NAA38: variants seen among roughly 807,000 people sequenced by gnomAD.
The protein encoded by NAA38 is LSM domain containing 1.
In NAA38, 15 loss-of-function variants were observed where a neutral mutation model predicts 12.6. The ratio of observed to expected loss-of-function variants is 1.19; its 90% CI spans 0.79 to 1.83. The LOEUF (loss-of-function observed/expected upper bound fraction) is 1.83, where lower values mean the gene tolerates loss of function less well. Ranked by LOEUF, NAA38 falls within the 40% of genes most tolerant of loss-of-function variation. NAA38 has a pLI of 0.00. For missense variants in NAA38, 183 were observed against 171.7 expected (o/e 1.07, Z -0.37); for synonymous variants, 88 against 69.9 (o/e 1.26, Z -1.29).
At position 7,857,161 on chromosome 17, in the gene NAA38, C is replaced by G; in HGVS notation, c.119G>C (p.Arg40Pro). Residue 40 changes from arginine (R) to proline (P), a missense_variant, in exon 2 of 3, where the codon CGC becomes CCC. Coordinates refer to ENST00000575771, the MANE Select transcript of NAA38 (RefSeq NM_001320925.4). ...CAGCGCCTCTAGCTGCTGTCGGGCG[C>G]GCTCAGCCGCCGAGTCCTCGCGCTC... ...DGEREDSAAE[R>P]ARQQLEALLN... 6.2e-7 allele frequency: 1 copy of G among 1,612,930 alleles called. No individual in the cohort carries two copies. The highest frequency in any genetic ancestry group is 8.5e-7 in the Non-Finnish European group (1 of 1,179,986).
upstream of NAA38, chr17:7,859,061 A>G: frequency 1.8e-6 from 1 of 571,358 alleles, no homozygotes; most frequent in Non-Finnish European, 3.1e-6. Context: ...CAGTTCATGT[A>G]TCTTAGTGAT....
rs768795214 is a variant in NAA38 at position 7,857,290 on chromosome 17, A to G, written c.82-92T>C. The G allele has an allele frequency of 1.9e-5, 30 of 1,611,468 alleles. No homozygotes were observed. The East Asian group carries it at 6.3e-4, about 34-fold the overall frequency. On this transcript the variant is annotated intron_variant, in intron 1 of 2. Coordinates refer to ENST00000575771, the MANE Select transcript of NAA38 (RefSeq NM_001320925.4). ...CCGGCAGCCCGCGGGGCACTCACAC[A>G]AAGCCCAGAGGCTGCCGGGAGCTGC... is the stretch of plus-strand genomic sequence containing the variant.
chr17:7,858,581 C>T (rs1388846120), upstream of NAA38: 3 of 1,608,522 alleles, frequency 1.9e-6, no homozygotes, highest in Admixed American at 5.0e-5. Flanking sequence ...GCTCTGACAC[C>T]CTCGCCCCAA....
intron 2 of NAA38, among the ~76,000 whole-genome samples, chr17:7,877,372 ATTT>A (rs112052153): frequency 6.8e-6 from 1 of 146,142 alleles, no homozygotes; most frequent in African/African-American, 2.5e-5. Flanking sequence ...AAATGATGTC[ATTT>A]TTTTTTTTTT....
chr17:7,875,525 T>G (rs528222970), intron 2 of NAA38, among the ~76,000 whole-genome samples: 1 of 152,146 alleles, frequency 6.6e-6, no homozygotes, highest in Non-Finnish European at 1.5e-5. Flanking sequence ...TTTGTAGAGA[T>G]AGTCTTGCTA....
At chr17:7,866,667 T>C (rs1442726055) in intron 2 of NAA38, 3 of 455,278 alleles carry the variant, frequency 6.6e-6, no homozygotes, top group African/African-American at 2.0e-5. Flanking sequence ...TTAAAGTTGC[T>C]TAAATGACAC....
At chr17:7,870,142 AC>A (rs1459006942) in intron 2 of NAA38, among the ~76,000 whole-genome samples, 2 of 152,032 alleles carry the variant, frequency 1.3e-5, no homozygotes, top group African/African-American at 4.8e-5. Flanking sequence ...TGTGCTTGTA[AC>A]CCCAGCTACT....
upstream of NAA38, chr17:7,859,933 G>A (rs2078870546): frequency 1.1e-5 from 3 of 272,960 alleles, no homozygotes; most frequent in Admixed American, 4.9e-5. Flanking sequence ...CAGGGGTGAG[G>A]GATGGAAGGA....
chr17:7,877,051 C>T (rs987071805), intron 2 of NAA38: 1 of 390,716 alleles, frequency 2.6e-6, no homozygotes, highest in African/African-American at 2.2e-5. Context: ...ACATTTTTCA[C>T]TTCAAAGAAC....
At chr17:7,858,824 G>A (rs939624720), upstream of NAA38, 2 of 1,529,096 alleles carry the variant, frequency 1.3e-6, no homozygotes, top group African/African-American at 1.4e-5. Flanking sequence ...ACACACTGGA[G>A]GTGAGAACTG....
intron 2 of NAA38, among the ~76,000 whole-genome samples, chr17:7,869,377 C>T (rs1001005411): frequency 6.6e-6 from 1 of 152,084 alleles, no homozygotes; most frequent in African/African-American, 2.4e-5. Flanking sequence ...TTATTATTGA[C>T]TCTGGGATAC....
At chr17:7,857,980 G>A (rs1051876331), upstream of NAA38, 3 of 1,491,414 alleles carry the variant, frequency 2.0e-6, no homozygotes, top group Admixed American at 2.3e-5. Flanking sequence ...ATTTATCTCA[G>A]TGGACGGTGG....
upstream of NAA38, chr17:7,861,581 CAG>C (rs1412518636): frequency 6.6e-6 from 1 of 152,238 alleles, no homozygotes; most frequent in Non-Finnish European, 1.5e-5. Context: ...GTCCCTCTTC[CAG>C]AGACTCCTAC....
At chr17:7,859,256 T>C (rs141914122), upstream of NAA38, 3 of 720,478 alleles carry the variant, frequency 4.2e-6, no homozygotes, top group East Asian at 2.7e-5. Context: ...GAGTTTCAGC[T>C]TTTTTTTCCC....
intron 1 of NAA38, 45 bp downstream of exon 1, chr17:7,857,338 G>A: frequency 6.2e-7 from 1 of 1,612,846 alleles, no homozygotes; most frequent in South Asian, 1.1e-5. Flanking sequence ...CCTCCATCTT[G>A]CTGCTTGACT....
chr17:7,867,668 A>G (rs1267196592), intron 2 of NAA38, among the ~76,000 whole-genome samples: 1 of 152,204 alleles, frequency 6.6e-6, no homozygotes. Context: ...TCACATGATC[A>G]GATTTGCATT....
chr17:7,885,153 C>T, intron 1 of NAA38: 6 of 981,044 alleles, frequency 6.1e-6, no homozygotes, highest in Non-Finnish European at 6.0e-6. Context: ...CGGGCGGGGG[C>T]GAGGCACCCA....
chr17:7,870,888 C>CA lies in NAA38; in HGVS notation c.-65-4331dup, dbSNP rs34959751. On this transcript the variant is annotated intron_variant, in intron 2 of 4. Transcript: ENST00000576861. ...GGGGCGACAGAGCAAGACTCCACCT[C>CA]AAAAAAAAAAAAAAAAATTGTAGAA... Among the ~76,000 whole-genome samples, 818 of 122,824 alleles carry CA rather than the reference C, an allele frequency of 6.7e-3. 9 individuals carry two copies. The highest frequency in any genetic ancestry group is 0.018 in the Middle Eastern group (4 of 228). 80.6% of individuals were successfully genotyped at this position (122,824 alleles called of 152,430 possible).
At chr17:7,856,929 G>A in intron 2 of NAA38, 86 bp from the exon 3 acceptor site, 5 of 1,591,528 alleles carry the variant, frequency 3.1e-6, no homozygotes, top group Non-Finnish European at 4.3e-6. Context: ...CAGAAAACAA[G>A]GGTTGCAGCC....
Sources: gnomAD v4.1 joint callset for allele counts (sites outside exome capture counted in the v4.1 genomes callset) on GRCh38, gnomAD v4.1.1 for gene constraint, MANE v1.5 for transcripts, NCBI Gene and HGNC (gene_info 2026-07-23, HGNC 2026-07-21) for gene names.